The following TRRAP variants were observed in gnomAD, a reference collection of about 807,000 sequenced individuals.
TRRAP encodes transformation/transcription domain-associated protein.
Under a neutral mutation model 438.8 loss-of-function variants are expected in TRRAP, and 41 were observed. The ratio of observed to expected loss-of-function variants is 0.09; its 90% confidence interval spans 0.07 to 0.12. TRRAP has a LOEUF of 0.12. TRRAP is among the 10% of genes least tolerant of loss of function. The probability of loss-of-function intolerance (pLI) is 1.00; values close to 1 mark genes in which losing one functional copy is unlikely to be tolerated. For missense variants in TRRAP, 3,122 were observed against 5,055.1 expected, an observed-to-expected ratio of 0.62 and a Z score of 11.60; for synonymous variants, 1,994 against 1,962.9, an observed-to-expected ratio of 1.02 and a Z score of -0.42.
intron 49 of TRRAP, among the ~76,000 whole-genome samples, chr7:98,966,617 A>G (rs746707371): frequency 1.8e-4 from 28 of 152,246 alleles, no homozygotes; most frequent in Middle Eastern, 3.4e-3. Context: ...TCCAGGAGGC[A>G]GAGGTTGCAG....
At chr7:98,954,964 C>T (rs1259339777) in intron 40 of TRRAP, 134 bp from the exon 41 acceptor site, 4 of 840,766 alleles carry the variant, frequency 4.8e-6, no homozygotes, top group Non-Finnish European at 7.2e-6. Context: ...TAAGTTGTTT[C>T]CTAATAAGAA....
Position 98,903,496 on chromosome 7 carries a change from C to T in TRRAP, c.1015C>T (p.Leu339Phe). ...GCTTCTGATTGCTGCCAAACACATC[C>T]TCACCACAGAGCTGAGAAACCGTAC... ...KELLIAAKHI[L>F]TTELRNQFIP... is the part of the protein sequence containing the mutation. Residue 339 changes from leucine to phenylalanine, a missense_variant, in exon 12 of 73, where the codon CTC becomes TTC. Leu to Phe is a conservative substitution (Grantham distance 22). Transcript: ENST00000456197. 6.2e-7 allele frequency: 1 copy of T among 1,614,174 alleles called. No homozygotes were observed. Among genetic ancestry groups the T allele is most frequent in the Non-Finnish European group, 8.5e-7 (1 of 1,180,024 alleles).
chr7:98,962,362 A>G lies in TRRAP; in HGVS notation c.6764A>G (p.Lys2255Arg). The change falls in exon 47 of 73, where the codon AAG becomes AGG. Residue 2255 changes from lysine (K) to arginine (R), a missense_variant. Physicochemically the swap from Lys to Arg is conservative, Grantham distance 26. Transcript: ENST00000456197. ...GAGTGCCTCTACGCAGCCGTCGGAA[A>G]GGTCATCTATGAAGGGCTCACCAAC... is the stretch of plus-strand genomic sequence containing the variant. ...ELECLYAAVGKVIYEGLTNYE... is the reference protein window; with the variant it reads ...ELECLYAAVGRVIYEGLTNYE... 1 of 1,614,166 alleles carries G rather than the reference A, an allele frequency of 6.2e-7. No homozygotes were observed. Among genetic ancestry groups the G allele is most frequent in the Non-Finnish European group, 8.5e-7 (1 of 1,180,026 alleles).
chr7:99,011,349 C>A lies in TRRAP; in HGVS notation c.11151C>A (p.Gly3717=), dbSNP rs1794417689. The change falls in exon 72 of 73, where the codon GGC becomes GGA. Residue 3717 remains glycine, a synonymous_variant. Transcript: ENST00000456197. The surrounding 1 kb of genome is among the most constrained non-coding windows in gnomAD (Gnocchi z 7.1). ...PEMLQIAQDT[G]KLNVAYFRFD... The stretch of plus-strand genomic sequence containing the variant: ...CTCCTTCTGAAATTTAGGACACTGG[C>A]AAACTGAATGTTGCCTACTTTCGAT... 1 of 1,613,658 alleles carries A rather than the reference C, an allele frequency of 6.2e-7. No homozygotes were observed.
chr7:98,975,954 A>G (rs959054753), intron 53 of TRRAP, 195 bp from the exon 54 acceptor site: 2 of 635,814 alleles, frequency 3.1e-6, no homozygotes, highest in Non-Finnish European at 2.5e-6. Context: ...CTTGGCTGCT[A>G]AGTGCACCAT....
At chr7:98,914,978 C>T (rs1046196122) in intron 18 of TRRAP, among the ~76,000 whole-genome samples, 3 of 150,498 alleles carry the variant, frequency 2.0e-5, no homozygotes, top group African/African-American at 4.9e-5. Context: ...CATATCAAAA[C>T]CAGGATTTGA....
intron 53 of TRRAP, among the ~76,000 whole-genome samples, chr7:98,975,443 AG>A (rs913599013): frequency 7.2e-5 from 11 of 152,230 alleles, no homozygotes; most frequent in African/African-American, 2.7e-4. Context: ...AGCCTCAGGC[AG>A]ACCTAGAAAC....
intron 23 of TRRAP, among the ~76,000 whole-genome samples, chr7:98,929,330 C>T (rs1448556337): frequency 6.6e-6 from 1 of 152,186 alleles, no homozygotes; most frequent in African/African-American, 2.4e-5. Flanking sequence ...TCAAGTGATT[C>T]CCCTGCCTTG....
At chr7:98,919,529 G>A (rs138800473) in intron 20 of TRRAP, among the ~76,000 whole-genome samples, 200 of 152,336 alleles carry the variant, frequency 1.3e-3, no homozygotes, top group African/African-American at 4.2e-3. Context: ...TTGAACTCAA[G>A]AGGTTGAGGC....
At chr7:98,950,395 G>T (rs1791280955) in intron 38 of TRRAP, 133 bp downstream of exon 38, 6 of 1,084,258 alleles carry the variant, frequency 5.5e-6, no homozygotes, top group Non-Finnish European at 7.8e-6. Context: ...TGTGGCATGT[G>T]CCTGTAATCC....
At chr7:98,938,706 C>G (rs1554414877) in intron 30 of TRRAP, among the ~76,000 whole-genome samples, 1 of 152,184 alleles carries the variant, frequency 6.6e-6, no homozygotes, top group Non-Finnish European at 1.5e-5. Context: ...CACTGGTGAA[C>G]ATTTAGATTG....
intron 11 of TRRAP, 21 bp downstream of exon 11, chr7:98,900,741 G>C (rs1554406534): frequency 1.3e-6 from 2 of 1,597,048 alleles, no homozygotes; most frequent in Non-Finnish European, 8.6e-7. Context: ...TGACTTTTAT[G>C]TCAGGTTTAT....
chr7:99,003,764 G>A (rs546157163), intron 67 of TRRAP, among the ~76,000 whole-genome samples: 2 of 152,334 alleles, frequency 1.3e-5, no homozygotes, highest in East Asian at 1.9e-4. Flanking sequence ...TCCACACCAT[G>A]TATAAAACGT....
intron 39 of TRRAP, among the ~76,000 whole-genome samples, chr7:98,952,319 A>AT (rs1278017217): frequency 6.6e-6 from 1 of 152,186 alleles, no homozygotes; most frequent in Non-Finnish European, 1.5e-5. Flanking sequence ...GAACGTAGAC[A>AT]TTTTTCCAGG....
chr7:98,968,859 C>G (rs1792277740), intron 51 of TRRAP, among the ~76,000 whole-genome samples: 1 of 152,256 alleles, frequency 6.6e-6, no homozygotes, highest in African/African-American at 2.4e-5. Context: ...GTTCCCTGCT[C>G]TTCCATCACT....
At chr7:98,924,909 C>G (rs1359727620) in intron 21 of TRRAP, among the ~76,000 whole-genome samples, 11 of 151,032 alleles carry the variant, frequency 7.3e-5, no homozygotes, top group Non-Finnish European at 1.0e-4. Flanking sequence ...GAGGCTGAAG[C>G]AGGAGAATGG....
chr7:98,944,956 C>T (rs1391211044), intron 31 of TRRAP, among the ~76,000 whole-genome samples: 1 of 152,158 alleles, frequency 6.6e-6, no homozygotes, highest in African/African-American at 2.4e-5. Context: ...AGGCGCCTGA[C>T]ACCACATCCA....
At chr7:98,909,304 G>A (rs562169911) in intron 14 of TRRAP, among the ~76,000 whole-genome samples, 16 of 152,268 alleles carry the variant, frequency 1.1e-4, no homozygotes, top group South Asian at 8.3e-4. Flanking sequence ...GATTACAGGC[G>A]TGAGCCACCA....
intron 4 of TRRAP, among the ~76,000 whole-genome samples, chr7:98,891,660 C>T (rs971191100): frequency 3.3e-5 from 5 of 151,678 alleles, no homozygotes; most frequent in African/African-American, 4.8e-5. Context: ...CTCAGCCTCC[C>T]GAGTAGCTGG....
Sources: gnomAD v4.1 joint callset for allele counts (sites outside exome capture counted in the v4.1 genomes callset) on GRCh38, gnomAD v4.1.1 for gene constraint, Gnocchi (gnomAD v3.1) non-coding constraint, MANE v1.5 for transcripts, NCBI Gene and HGNC (gene_info 2026-07-23, HGNC 2026-07-21) for gene names.